The following SPTBN4 variants were observed in gnomAD, a reference collection of about 807,000 sequenced individuals.
The protein encoded by SPTBN4 is spectrin beta, non-erythrocytic 4.
SPTBN4 carries 96 observed loss-of-function variants against 277.8 expected under a neutral mutation model. That is an observed-to-expected ratio of 0.35 (90% CI 0.29 to 0.41). SPTBN4 has a LOEUF of 0.41. Among genes scored for constraint, SPTBN4 ranks in the 10% least tolerant of loss-of-function variants. SPTBN4 has a pLI of 1.00. For missense variants in SPTBN4, 3,006 were observed against 3,595.7 expected (o/e 0.84, Z 4.19); for synonymous variants, 1,481 against 1,580.3 (o/e 0.94, Z 1.49).
In SPTBN4 at chr19:40,550,225, G is replaced by A; in HGVS notation, c.4585-13G>A. 1 of 1,613,148 alleles carries A rather than the reference G, an allele frequency of 6.2e-7. No individual in the cohort carries two copies. The highest frequency in any genetic ancestry group is 8.5e-7 in the Non-Finnish European group (1 of 1,179,554). On this transcript the variant is annotated splice_polypyrimidine_tract_variant and intron_variant, in intron 21 of 35. Transcript: ENST00000598249. ...GCATTCTCCCCTTGACCTGCTTCCT[G>A]TGTCCTCTCCAGGCATGGGTTCAGG... is the stretch of plus-strand genomic sequence containing the variant.
At chr19:40,507,122 T>C (rs983651294) in intron 13 of SPTBN4, among the ~76,000 whole-genome samples, 3 of 152,050 alleles carry the variant, frequency 2.0e-5, no homozygotes, top group African/African-American at 4.8e-5. Context: ...CAGGGAAGCC[T>C]AGTCAACATG....
chr19:40,566,866 G>A (rs894128017), intron 30 of SPTBN4, among the ~76,000 whole-genome samples: 1 of 151,908 alleles, frequency 6.6e-6, no homozygotes, highest in Admixed American at 6.6e-5. Context: ...TCGGGAGGCT[G>A]AGGCAGGATA....
intron 25 of SPTBN4, 24 bp from the exon 26 acceptor site, chr19:40,556,999 C>A (rs745601593): frequency 2.3e-5 from 35 of 1,490,100 alleles, no homozygotes; most frequent in South Asian, 6.5e-5. Flanking sequence ...TTGCTGTACC[C>A]CCCCCCCCAC....
intron 15 of SPTBN4, among the ~76,000 whole-genome samples, chr19:40,518,239 G>T (rs1252488198): frequency 6.6e-6 from 1 of 152,098 alleles, no homozygotes; most frequent in Non-Finnish European, 1.5e-5. Context: ...CTGGGAGGCG[G>T]AGGTTGCAGT....
chr19:40,561,936 G>A (rs987225546), intron 27 of SPTBN4, among the ~76,000 whole-genome samples: 1 of 152,188 alleles, frequency 6.6e-6, no homozygotes, highest in African/African-American at 2.4e-5. Context: ...TTTGACTGGA[G>A]ACCTGAATGA....
At chr19:40,538,406 G>GAGAA (rs370933099) in intron 20 of SPTBN4, among the ~76,000 whole-genome samples, 3 of 149,742 alleles carry the variant, frequency 2.0e-5, no homozygotes, top group Admixed American at 6.7e-5. Context: ...AAAAAAAAAA[G>GAGAA]AGAAAGAAAG....
At chr19:40,474,457 G>T (rs1599706303) in intron 2 of SPTBN4, among the ~76,000 whole-genome samples, 1 of 150,320 alleles carries the variant, frequency 6.7e-6, no homozygotes. Flanking sequence ...TTGAGTCAGG[G>T]TCTCACTCTT....
intron 2 of SPTBN4, among the ~76,000 whole-genome samples, chr19:40,477,799 G>A (rs2145807368): frequency 6.6e-6 from 1 of 152,270 alleles, no homozygotes; most frequent in African/African-American, 2.4e-5. Flanking sequence ...GAAGGATACA[G>A]GTGAGGAGTA....
chr19:40,500,742 G>A (rs2080254706), intron 7 of SPTBN4, among the ~76,000 whole-genome samples: 1 of 152,108 alleles, frequency 6.6e-6, no homozygotes, highest in African/African-American at 2.4e-5. Context: ...AGCTACTTGG[G>A]AGGCTGAGGC....
Position 40,560,839 on chromosome 19 carries a change from T to TCCCAATCACCAGGG in SPTBN4, c.5915+436_5915+437insCCCAATCACCAGGG. On this transcript the variant is annotated intron_variant, in intron 27 of 35. Transcript: ENST00000598249. This position sits in a 1 kb window ranked among gnomAD's most constrained non-coding sequence, Gnocchi z 5.2. The stretch of plus-strand genomic sequence containing the variant: ...TGTCCAGCAGAATCCTGTCCCCTGG[T>TCCCAATCACCAGGG]GATTGGGAGCCAGGGTCCTTCCATC... The TCCCAATCACCAGGG allele has an allele frequency of 1.3e-6, 1 of 773,858 alleles. No homozygotes were observed. Among genetic ancestry groups the TCCCAATCACCAGGG allele is most frequent in the Non-Finnish European group, 1.6e-6 (1 of 612,386 alleles). The allele number at this position is 773,858 out of a possible 1,614,324, so 47.9% of individuals were successfully genotyped here.
rs533572556 is a variant in SPTBN4, at chr19:40,562,255, C to T, written c.5915+1852C>T. Among the ~76,000 whole-genome samples the T allele has an allele frequency of 2.6e-5, 4 of 152,212 alleles. No individual in the cohort carries two copies. The East Asian group carries it at 5.8e-4, about 22-fold the overall frequency. Reference sequence around the variant, plus strand: ...GTACATTTGAGAAAAATAGGCCGGGCATGGTGGCTTATACCTGTCATCCCA... The same window carrying T: ...GTACATTTGAGAAAAATAGGCCGGGTATGGTGGCTTATACCTGTCATCCCA... On this transcript the variant is annotated intron_variant, in intron 27 of 35. Coordinates refer to ENST00000598249, the MANE Select transcript of SPTBN4 (RefSeq NM_020971.3).
chr19:40,511,264 T>C (rs1001234589), intron 13 of SPTBN4, among the ~76,000 whole-genome samples: 1 of 151,178 alleles, frequency 6.6e-6, no homozygotes, highest in Non-Finnish European at 1.5e-5. Context: ...AAAAATTAGC[T>C]GGACATGGTG....
At chr19:40,520,197 G>A in intron 16 of SPTBN4, 46 bp downstream of exon 16, 2 of 1,331,888 alleles carry the variant, frequency 1.5e-6, no homozygotes, top group South Asian at 2.1e-5. Context: ...GTCCGAGGCC[G>A]CGGGGGGATT....
chr19:40,543,624 A>G (rs953757299), intron 20 of SPTBN4, among the ~76,000 whole-genome samples: 1 of 152,020 alleles, frequency 6.6e-6, no homozygotes, highest in Non-Finnish European at 1.5e-5. Context: ...TAATTTTTTA[A>G]TTGTTATTTT....
intron 1 of SPTBN4, among the ~76,000 whole-genome samples, chr19:40,468,421 G>C (rs942072371): frequency 6.6e-6 from 1 of 150,856 alleles, no homozygotes; most frequent in Non-Finnish European, 1.5e-5. Flanking sequence ...CTGTCATTCA[G>C]GCTGGAGTGC....
chr19:40,529,542 G>C (rs1334020661), intron 18 of SPTBN4, among the ~76,000 whole-genome samples: 4 of 152,200 alleles, frequency 2.6e-5, no homozygotes, highest in African/African-American at 9.7e-5. Context: ...CGATGGCTCT[G>C]AACCAAGCCC....
rs1007220920 is a variant in SPTBN4, at chr19:40,515,830, C to G, written c.2903+382C>G. ...TTGAGCTCATGAATTCAAGACCAGC[C>G]TGGGCAACATGGTGAAACCCCGTCT... On this transcript the variant is annotated intron_variant, in intron 15 of 35. Coordinates refer to ENST00000598249, the MANE Select transcript of SPTBN4 (RefSeq NM_020971.3). The surrounding 1 kb of genome is among the most constrained non-coding windows in gnomAD (Gnocchi z 4.1). 1.3e-5 allele frequency among the ~76,000 whole-genome samples: 2 copies of G among 150,972 alleles called. No homozygotes were observed. Among genetic ancestry groups the G allele is most frequent in the Non-Finnish European group, 2.9e-5 (2 of 67,830 alleles).
chr19:40,549,586 T>A (rs944982144), intron 21 of SPTBN4, among the ~76,000 whole-genome samples, 173 bp downstream of exon 21: 10 of 152,248 alleles, frequency 6.6e-5, no homozygotes, highest in Admixed American at 5.9e-4. Context: ...TCACTTTGAA[T>A]CATTCGTTGA....
intron 12 of SPTBN4, among the ~76,000 whole-genome samples, chr19:40,504,663 C>G (rs1223936006): frequency 7.0e-6 from 1 of 143,518 alleles, no homozygotes; most frequent in Admixed American, 7.0e-5. Flanking sequence ...AGCGAGACTC[C>G]GTCTCAAAAA....
Sources: gnomAD v4.1 joint callset for allele counts (sites outside exome capture counted in the v4.1 genomes callset) on GRCh38, gnomAD v4.1.1 for gene constraint, Gnocchi (gnomAD v3.1) non-coding constraint, MANE v1.5 for transcripts, NCBI Gene and HGNC (gene_info 2026-07-23, HGNC 2026-07-21) for gene names.